Variants in TBC1D22A observed in about 807,000 individuals in gnomAD.
TBC1D22A encodes the protein TBC1 domain family member 22A.
TBC1D22A carries 38 observed loss-of-function variants against 60.2 expected under a neutral mutation model. That is an observed-to-expected ratio of 0.63 (90% CI 0.49 to 0.83). The LOEUF (loss-of-function observed/expected upper bound fraction) is 0.83, where lower values mean the gene tolerates loss of function less well. TBC1D22A is among the 40% of genes least tolerant of loss of function. TBC1D22A has a pLI of 0.00. For missense variants in TBC1D22A, 628 were observed against 701.0 expected, an observed-to-expected ratio of 0.90 and a Z score of 1.18; for synonymous variants, 302 against 281.7, an observed-to-expected ratio of 1.07 and a Z score of -0.72.
At chr22:46,991,015 A>T (rs921671497) in intron 9 of TBC1D22A, among the ~76,000 whole-genome samples, 1 of 152,072 alleles carries the variant, frequency 6.6e-6, no homozygotes, top group African/African-American at 2.4e-5. Flanking sequence ...CCACTGTTTG[A>T]TGGCTGACAC....
chr22:46,874,562 C>CTTTTTT lies in TBC1D22A; in HGVS notation c.638-4066_638-4061dup, dbSNP rs747481407. On this transcript the variant is annotated intron_variant, in intron 4 of 12. Transcript: ENST00000337137. The stretch of plus-strand genomic sequence containing the variant: ...TATGTTTGTTTGGCTACAGGTATGT[C>CTTTTTT]TTTTTTTTTTTTTTTTTTTTTTTTT... 1.5e-3 allele frequency among the ~76,000 whole-genome samples: 60 copies of CTTTTTT among 40,784 alleles called. 9 individuals are homozygous for CTTTTTT. Among genetic ancestry groups the CTTTTTT allele is most frequent in the African/African-American group, 6.0e-3 (57 of 9,562 alleles). 26.8% of individuals were successfully genotyped at this position (40,784 alleles called of 152,430 possible).
intron 12 of TBC1D22A, among the ~76,000 whole-genome samples, chr22:47,113,719 C>A (rs561339802): frequency 7.2e-5 from 11 of 152,230 alleles, no homozygotes; most frequent in Non-Finnish European, 1.5e-4. Flanking sequence ...GCAGACCAGA[C>A]ACACACTGGC....
intron 12 of TBC1D22A, among the ~76,000 whole-genome samples, chr22:47,171,788 T>C (rs2068465599): frequency 6.6e-6 from 1 of 152,164 alleles, no homozygotes; most frequent in African/African-American, 2.4e-5. Flanking sequence ...TCCTTCCCCG[T>C]TGTGGCCTCA....
chr22:47,105,613 C>T (rs902151410), intron 11 of TBC1D22A, among the ~76,000 whole-genome samples: 4 of 152,230 alleles, frequency 2.6e-5, no homozygotes, highest in Admixed American at 1.3e-4. Context: ...TTTCCAACTA[C>T]AATCCTACAT....
intron 4 of TBC1D22A, among the ~76,000 whole-genome samples, chr22:46,850,640 TAGAGCTGCCATGTGA>T (rs1425993377): frequency 6.6e-6 from 1 of 152,188 alleles, no homozygotes; most frequent in Non-Finnish European, 1.5e-5. Context: ...CAGTTCAACA[TAGAGCTGCCATGTGA>T]AGAGCTGCCA....
chr22:47,151,605 G>C (rs969469087), intron 12 of TBC1D22A, among the ~76,000 whole-genome samples: 3 of 152,172 alleles, frequency 2.0e-5, no homozygotes, highest in African/African-American at 7.2e-5. Context: ...CTCACTGGGG[G>C]TCCTGAGCAC....
intron 11 of TBC1D22A, among the ~76,000 whole-genome samples, chr22:47,066,182 G>A (rs1159787504): frequency 6.6e-6 from 1 of 152,240 alleles, no homozygotes; most frequent in Non-Finnish European, 1.5e-5. Flanking sequence ...TATGGGTACA[G>A]CTCACAGGCG....
At chr22:46,776,954 C>T (rs1400676817) in intron 1 of TBC1D22A, among the ~76,000 whole-genome samples, 9 of 151,834 alleles carry the variant, frequency 5.9e-5, no homozygotes, top group African/African-American at 1.5e-4. Flanking sequence ...GGGCACAGGA[C>T]GACAGAGCTG....
intron 12 of TBC1D22A, among the ~76,000 whole-genome samples, chr22:47,164,634 C>G (rs2068126526): frequency 6.6e-6 from 1 of 152,190 alleles, no homozygotes; most frequent in African/African-American, 2.4e-5. Context: ...ATTTCCCAGC[C>G]CAAATGGAGA....
At chr22:46,812,316 G>A (rs1166264664) in intron 4 of TBC1D22A, among the ~76,000 whole-genome samples, 1 of 152,178 alleles carries the variant, frequency 6.6e-6, no homozygotes, top group Non-Finnish European at 1.5e-5. Context: ...CACCAGCGCT[G>A]GCTTCTCTGC....
rs1405692353 is a variant in TBC1D22A at position 46,990,597 on chromosome 22, A to G, written c.1126-7037A>G. Reference sequence around the variant, plus strand: ...TGTGCAGTGACATGAGTCCACCAAGAAAGTGTCGCACAGTGTCGTCCCCTG... The same window carrying G: ...TGTGCAGTGACATGAGTCCACCAAGGAAGTGTCGCACAGTGTCGTCCCCTG... On this transcript the variant is annotated intron_variant, in intron 9 of 12. Transcript: ENST00000337137. The surrounding 1 kb of genome is among the most constrained non-coding windows in gnomAD (Gnocchi z 4.6). Among the ~76,000 whole-genome samples the G allele has an allele frequency of 6.6e-6, 1 of 152,096 alleles. No individual in the cohort carries two copies. Among genetic ancestry groups the G allele is most frequent in the East Asian group, 1.9e-4 (1 of 5,188 alleles).
chr22:46,947,135 T>A (rs2072596579), intron 8 of TBC1D22A, among the ~76,000 whole-genome samples: 1 of 151,876 alleles, frequency 6.6e-6, no homozygotes. Flanking sequence ...CTCTGAAGAG[T>A]GCTGTGAATC....
At chr22:47,015,649 G>C (rs528193628) in intron 10 of TBC1D22A, among the ~76,000 whole-genome samples, 3 of 152,190 alleles carry the variant, frequency 2.0e-5, no homozygotes, top group Non-Finnish European at 4.4e-5. Flanking sequence ...CATGCGGGCT[G>C]CTCCCGGACA....
intron 4 of TBC1D22A, among the ~76,000 whole-genome samples, chr22:46,825,885 CTTT>C (rs139593): frequency 7.1e-6 from 1 of 141,736 alleles, no homozygotes. Flanking sequence ...TGGTGGTCTT[CTTT>C]TTTTTTTTTT....
intron 9 of TBC1D22A, among the ~76,000 whole-genome samples, chr22:46,987,213 A>G (rs1414627677): frequency 3.3e-5 from 5 of 152,148 alleles, no homozygotes; most frequent in Non-Finnish European, 2.9e-5. Context: ...AGTCTATTCT[A>G]ATTCAAAGAG....
intron 4 of TBC1D22A, among the ~76,000 whole-genome samples, chr22:46,852,605 C>T (rs559141293): frequency 6.6e-6 from 1 of 152,286 alleles, no homozygotes; most frequent in East Asian, 1.9e-4. Flanking sequence ...TCCAGCTCCA[C>T]GAGGCCTCTG....
At chr22:47,117,404 G>A (rs1252051698) in intron 12 of TBC1D22A, among the ~76,000 whole-genome samples, 1 of 3,934 alleles carries the variant, frequency 2.5e-4, no homozygotes. Context: ...ACCCCACACC[G>A]TGGCATCGAG....
intron 12 of TBC1D22A, chr22:47,116,178 G>GGAGCAC (rs2066045527): frequency 6.6e-6 from 1 of 152,260 alleles, no homozygotes; most frequent in Admixed American, 6.5e-5. Context: ...TGCTCTGCCA[G>GGAGCAC]CTTCCAGGAG....
In TBC1D22A at chr22:46,972,483, C is replaced by T. The variant is rs746806394; in HGVS notation, c.1016-1807C>T. Among the ~76,000 whole-genome samples, 7 of 152,196 alleles carry T rather than the reference C, an allele frequency of 4.6e-5. No homozygotes were observed. In the South Asian group the frequency reaches 8.3e-4, roughly 18 times the overall value. Reference sequence around the variant, plus strand: ...CGTGAAGAGGAGTGAGGCATTGACACGGGCTGCCGCATGGATGACTCTGGA... The same window carrying T: ...CGTGAAGAGGAGTGAGGCATTGACATGGGCTGCCGCATGGATGACTCTGGA... On this transcript the variant is annotated intron_variant, in intron 8 of 12. Coordinates refer to ENST00000337137, the MANE Select transcript of TBC1D22A (RefSeq NM_014346.5).
Sources: gnomAD v4.1 joint callset for allele counts (sites outside exome capture counted in the v4.1 genomes callset) on GRCh38, gnomAD v4.1.1 for gene constraint, Gnocchi (gnomAD v3.1) non-coding constraint, MANE v1.5 for transcripts, NCBI Gene and HGNC (gene_info 2026-07-23, HGNC 2026-07-21) for gene names.